SLC4A4: variants seen among roughly 807,000 people sequenced by gnomAD.
The protein encoded by SLC4A4 is electrogenic sodium bicarbonate cotransporter 1.
In SLC4A4, 27 loss-of-function variants were observed where a neutral mutation model predicts 111.5. The observed-to-expected ratio is 0.24, with a 90% CI of 0.18 to 0.33. SLC4A4 has a LOEUF of 0.33. SLC4A4 is among the 10% of genes least tolerant of loss of function. SLC4A4 has a pLI of 1.00. For synonymous variants in SLC4A4, 443 were observed against 463.4 expected, an observed-to-expected ratio of 0.96 and a Z score of 0.57; for missense variants, 909 against 1,315.5, an observed-to-expected ratio of 0.69 and a Z score of 4.78.
chr4:71,326,535 T>C (rs1414711517), intron 3 of SLC4A4, among the ~76,000 whole-genome samples: 1 of 152,040 alleles, frequency 6.6e-6, no homozygotes, highest in African/African-American at 2.4e-5. Flanking sequence ...AGTTTTCTCA[T>C]GTGTAAAATG....
chr4:71,150,216 T>C (rs1042690490), intron 2 of SLC4A4, among the ~76,000 whole-genome samples: 4 of 152,076 alleles, frequency 2.6e-5, no homozygotes, highest in Non-Finnish European at 5.9e-5. Flanking sequence ...TCTGTACACA[T>C]TGATGTTGCC....
chr4:71,546,357 C>T lies in SLC4A4; in HGVS notation c.2450C>T (p.Ala817Val). The T allele has an allele frequency of 6.2e-7, 1 of 1,611,986 alleles. No homozygotes were observed. Among genetic ancestry groups the T allele is most frequent in the South Asian group, 1.1e-5 (1 of 91,046 alleles). The change falls in exon 19 of 26, where the codon GCA (alanine) becomes GTA (valine). Residue 817 changes from alanine (A) to valine (V), a missense_variant. Ala to Val is a moderately conservative substitution (Grantham distance 64, BLOSUM62 0). This residue lies in a region of SLC4A4 where 264 missense variants were observed against 356.8 expected (regional missense o/e 0.74). Coordinates refer to ENST00000264485, the MANE Select transcript of SLC4A4 (RefSeq NM_001098484.3). ...NRKEHKLKKGAGYHLDLFWVA... is the reference protein window; with the variant it reads ...NRKEHKLKKGVGYHLDLFWVA... ...TGTTATCTCTTTCTACAGAAAGGAG[C>T]AGGGTATCACTTGGATCTCTTTTGG... is the stretch of plus-strand genomic sequence containing the variant.
At chr4:71,173,367 C>A (rs1305052216) in intron 2 of SLC4A4, among the ~76,000 whole-genome samples, 1 of 152,046 alleles carries the variant, frequency 6.6e-6, no homozygotes, top group Non-Finnish European at 1.5e-5. Flanking sequence ...CAACAATTAT[C>A]TTTTATTATT....
At chr4:71,171,811 T>C (rs1744949041) in intron 2 of SLC4A4, among the ~76,000 whole-genome samples, 1 of 152,212 alleles carries the variant, frequency 6.6e-6, no homozygotes, top group Non-Finnish European at 1.5e-5. Flanking sequence ...AGCTTTTGAA[T>C]AGTTGTTTCT....
intron 13 of SLC4A4, among the ~76,000 whole-genome samples, chr4:71,469,487 T>C (rs183476852): frequency 5.3e-4 from 80 of 152,086 alleles, no homozygotes; most frequent in African/African-American, 1.6e-3. Flanking sequence ...ACTGAGAAAC[T>C]ATGACTCAAA....
At chr4:71,394,710 T>C (rs544815596) in intron 6 of SLC4A4, among the ~76,000 whole-genome samples, 82 of 152,172 alleles carry the variant, frequency 5.4e-4, no homozygotes, top group Middle Eastern at 3.4e-3. Context: ...ATAAAGAAAC[T>C]GTGGTATATT....
intron 16 of SLC4A4, among the ~76,000 whole-genome samples, chr4:71,510,920 A>G (rs1731857245): frequency 6.6e-6 from 1 of 152,074 alleles, no homozygotes; most frequent in African/African-American, 2.4e-5. Context: ...GGCTTACATA[A>G]AACATCTTAC....
chr4:71,492,726 G>A (rs1021288106), intron 15 of SLC4A4, among the ~76,000 whole-genome samples: 1 of 151,868 alleles, frequency 6.6e-6, no homozygotes, highest in Non-Finnish European at 1.5e-5. Context: ...AAAGTTTGTC[G>A]CTTTTATTCC....
chr4:71,526,577 T>C (rs1733440489), intron 16 of SLC4A4, among the ~76,000 whole-genome samples: 1 of 152,136 alleles, frequency 6.6e-6, no homozygotes, highest in Non-Finnish European at 1.5e-5. Flanking sequence ...CATCATATTA[T>C]ACGTATCATT....
chr4:71,178,823 A>G (rs1745185849), intron 2 of SLC4A4, among the ~76,000 whole-genome samples: 1 of 152,220 alleles, frequency 6.6e-6, no homozygotes, highest in Non-Finnish European at 1.5e-5. Context: ...CAATCAGTAG[A>G]AAAAGAGGGA....
chr4:71,126,295 C>T (rs1560733316), intron 2 of SLC4A4, among the ~76,000 whole-genome samples: 1 of 152,006 alleles, frequency 6.6e-6, no homozygotes, highest in South Asian at 2.1e-4. Context: ...TTAAAAATTG[C>T]TGTTATTTTG....
chr4:71,129,536 C>A (rs1743646207), intron 2 of SLC4A4, among the ~76,000 whole-genome samples: 1 of 152,078 alleles, frequency 6.6e-6, no homozygotes, highest in South Asian at 2.1e-4. Context: ...ATGAGTTCAG[C>A]CATTGTGGAA....
chr4:71,295,198 T>C (rs1724686284), intron 3 of SLC4A4, among the ~76,000 whole-genome samples: 1 of 152,174 alleles, frequency 6.6e-6, no homozygotes, highest in African/African-American at 2.4e-5. Flanking sequence ...GATGTGGATT[T>C]AGGAGCTATC....
chr4:71,420,369 C>A (rs1722326380), intron 7 of SLC4A4, among the ~76,000 whole-genome samples: 1 of 152,142 alleles, frequency 6.6e-6, no homozygotes, highest in Non-Finnish European at 1.5e-5. Context: ...ATTGGTGTAC[C>A]TGAAAGTGAT....
At chr4:71,536,492 A>ATATATATATATATATT (rs1246136965) in intron 18 of SLC4A4, among the ~76,000 whole-genome samples, 1 of 126,638 alleles carries the variant, frequency 7.9e-6, no homozygotes, top group Non-Finnish European at 1.7e-5. Flanking sequence ...ATATATGTAT[A>ATATATATATATATATT]TATTTATTTA....
intron 16 of SLC4A4, among the ~76,000 whole-genome samples, chr4:71,512,951 T>C (rs577890027): frequency 6.6e-6 from 1 of 152,248 alleles, no homozygotes; most frequent in Admixed American, 6.5e-5. Flanking sequence ...TAAGTGTATC[T>C]TTATTTCTGG....
intron 6 of SLC4A4, among the ~76,000 whole-genome samples, chr4:71,366,715 T>C (rs75984471): frequency 6.6e-6 from 1 of 152,168 alleles, no homozygotes. Flanking sequence ...TAATATATCA[T>C]TACCATGGTA....
At position 71,453,571 on chromosome 4, in the gene SLC4A4, A is replaced by T; in HGVS notation, c.1399A>T (p.Ile467Phe). ...FASDFYDALN[I>F]QALSAILFIY... ...CAGTGATTTTTATGATGCTTTAAATATTCAAGCTCTTTCGGCAATTCTCTT... is the reference window on the plus strand; with the variant it reads ...CAGTGATTTTTATGATGCTTTAAATTTTCAAGCTCTTTCGGCAATTCTCTT... Residue 467 changes from isoleucine to phenylalanine, a missense_variant, in exon 12 of 26, where the codon ATT becomes TTT. Ile to Phe is a conservative substitution (Grantham distance 21). Coordinates refer to ENST00000264485, the MANE Select transcript of SLC4A4 (RefSeq NM_001098484.3). 1.2e-6 allele frequency: 2 copies of T among 1,613,842 alleles called. No individual in the cohort carries two copies. Among genetic ancestry groups the T allele is most frequent in the South Asian group, 1.1e-5 (1 of 91,088 alleles).
At chr4:71,480,990 A>T (rs1449342912) in intron 14 of SLC4A4, among the ~76,000 whole-genome samples, 1 of 151,780 alleles carries the variant, frequency 6.6e-6, no homozygotes, top group Non-Finnish European at 1.5e-5. Flanking sequence ...AGCTAGGAGT[A>T]ATCTTAGCTG....
Sources: allele counts gnomAD v4.1 joint callset (sites outside exome capture counted in the v4.1 genomes callset), GRCh38; gene constraint gnomAD v4.1.1; regional missense constraint gnomAD v4.1.1; transcripts MANE v1.5; gene names NCBI Gene and HGNC (gene_info 2026-07-23, HGNC 2026-07-21).